Variants in DIP2C observed in about 807,000 individuals in gnomAD.
DIP2C encodes disco-interacting protein 2 homolog C.
DIP2C carries 33 observed loss-of-function variants against 192.4 expected under a neutral mutation model. The ratio of observed to expected loss-of-function variants is 0.17; its 90% CI spans 0.13 to 0.23. DIP2C has a LOEUF of 0.23. Ranked by LOEUF, DIP2C falls within the 10% of genes least tolerant of loss-of-function variation. The pLI is 1.00. For synonymous variants in DIP2C, 979 were observed against 864.1 expected, an observed-to-expected ratio of 1.13 and a Z score of -2.33; for missense variants, 1,537 against 2,110.1, an observed-to-expected ratio of 0.73 and a Z score of 5.32.
intron 1 of DIP2C, among the ~76,000 whole-genome samples, chr10:488,934 A>C (rs949611268): frequency 3.3e-5 from 5 of 152,158 alleles, no homozygotes; most frequent in African/African-American, 9.7e-5. Context: ...ACGCAGAGAG[A>C]CCTGCAGGTA....
chr10:421,934 G>A (rs952914176), intron 5 of DIP2C, among the ~76,000 whole-genome samples: 1 of 152,122 alleles, frequency 6.6e-6, no homozygotes, highest in Non-Finnish European at 1.5e-5. Context: ...AATCCAAAAC[G>A]CCTCTGAGCG....
chr10:603,298 C>CAAAAAAAAAAAAAAAAAAAAA (rs71376842), intron 1 of DIP2C, among the ~76,000 whole-genome samples: 2 of 45,882 alleles, frequency 4.4e-5, no homozygotes, highest in African/African-American at 2.5e-4. Flanking sequence ...GACTCCATCT[C>CAAAAAAAAAAAAAAAAAAAAA]AAAAAAAAAA....
chr10:570,124 A>T (rs1198410222), intron 1 of DIP2C, among the ~76,000 whole-genome samples: 1 of 152,206 alleles, frequency 6.6e-6, no homozygotes, highest in African/African-American at 2.4e-5. Context: ...ATAGCACTGC[A>T]CAAATCCATG....
chr10:594,134 C>T (rs1311474080), intron 1 of DIP2C, among the ~76,000 whole-genome samples: 3 of 152,222 alleles, frequency 2.0e-5, no homozygotes, highest in Admixed American at 6.5e-5. Context: ...TGCTGAGTCA[C>T]GTGAAGGTCC....
Position 286,279 on chromosome 10 carries a change from A to G in DIP2C, c.4113T>C (p.Leu1371=), listed in dbSNP as rs1235831084. 6.2e-7 allele frequency: 1 copy of G among 1,614,018 alleles called. No homozygotes were observed. Among genetic ancestry groups the G allele is most frequent in the South Asian group, 1.1e-5 (1 of 91,062 alleles). ...CGGAGGACACTCAACTCACCTCTCC[A>G]AGGTGTGAGTCCCCCAGCGGTCCTT... ...ETKGPLGDSH[L]GEIWVHSAHN... Residue 1371 remains leucine, a synonymous_variant, in exon 34 of 37, where the codon CTT becomes CTC. Coordinates refer to ENST00000280886, the MANE Select transcript of DIP2C (RefSeq NM_014974.3).
At chr10:580,947 A>C (rs933665302) in intron 1 of DIP2C, among the ~76,000 whole-genome samples, 1 of 152,180 alleles carries the variant, frequency 6.6e-6, no homozygotes, top group Non-Finnish European at 1.5e-5. Context: ...GTGTGTCCTC[A>C]TGTTTTGGCG....
intron 4 of DIP2C, chr10:430,440 A>C (rs376659262): frequency 7.9e-5 from 12 of 152,314 alleles, no homozygotes; most frequent in Non-Finnish European, 1.3e-4. Flanking sequence ...TCCTGGACTC[A>C]AGTGATCCTC....
At chr10:606,239 A>C (rs912596134) in intron 1 of DIP2C, among the ~76,000 whole-genome samples, 1 of 151,156 alleles carries the variant, frequency 6.6e-6, no homozygotes, top group Non-Finnish European at 1.5e-5. Context: ...GGCTCCACCC[A>C]CCCCCCCAGA....
intron 32 of DIP2C, among the ~76,000 whole-genome samples, chr10:305,827 G>A (rs1326666540): frequency 6.6e-6 from 1 of 151,922 alleles, no homozygotes; most frequent in African/African-American, 2.4e-5. Context: ...AAAAAATGTT[G>A]TAGAGATGGA....
rs988717234 is a variant in DIP2C at position 651,179 on chromosome 10, C to A, written c.85+38315G>T. The A allele has an allele frequency of 1.4e-6, 1 of 717,400 alleles. No individual in the cohort carries two copies. The highest frequency in any genetic ancestry group is 2.0e-5 in the Admixed American group (1 of 50,006). The allele number at this position is 717,400 out of a possible 1,614,324, so 44.4% of individuals were successfully genotyped here. A position where few individuals can be genotyped will look rare whatever the true frequency, so the allele number is the denominator to read the frequency against. On this transcript the variant is annotated intron_variant, in intron 1 of 36. Transcript: ENST00000280886. The surrounding 1 kb of genome is among the most constrained non-coding windows in gnomAD (Gnocchi z 4.1). ...ACCTCCACCTGCCCAGGTCTGGGAC[C>A]ACCGTCCTCCACGCATATCTACAGA...
At chr10:439,300 C>T (rs1435289454) in intron 4 of DIP2C, among the ~76,000 whole-genome samples, 2 of 151,168 alleles carry the variant, frequency 1.3e-5, no homozygotes, top group African/African-American at 2.5e-5. Flanking sequence ...CACTCCCTTG[C>T]CAACAACCTT....
At chr10:318,470 T>C (rs549517049) in intron 31 of DIP2C, among the ~76,000 whole-genome samples, 1 of 152,306 alleles carries the variant, frequency 6.6e-6, no homozygotes, top group South Asian at 2.1e-4. Flanking sequence ...AGGTCAGCAG[T>C]GCAGACTTCA....
chr10:549,857 C>T (rs1192482231), intron 1 of DIP2C, among the ~76,000 whole-genome samples: 1 of 152,168 alleles, frequency 6.6e-6, no homozygotes, highest in East Asian at 1.9e-4. Context: ...CTAGAGACAC[C>T]ACCATCCCTT....
chr10:293,843 C>T (rs978424071), intron 32 of DIP2C, among the ~76,000 whole-genome samples: 10 of 152,164 alleles, frequency 6.6e-5, no homozygotes, highest in African/African-American at 2.4e-4. Context: ...CAAGCCCTAA[C>T]AAAAGCTACA....
rs1956506563 is a variant in DIP2C at position 310,110 on chromosome 10, G to C, written c.3925-18C>G. The C allele has an allele frequency of 1.2e-5, 20 of 1,613,456 alleles. No homozygotes were observed. Among genetic ancestry groups the C allele is most frequent in the Non-Finnish European group, 1.7e-5 (20 of 1,179,488 alleles). ...GAGGTTCCCTGCAAGCAACAACAGA[G>C]TGGTTAACTCAAGTTTACATGGAGG... On this transcript the variant is annotated intron_variant, in intron 31 of 36. Coordinates refer to ENST00000280886, the MANE Select transcript of DIP2C (RefSeq NM_014974.3).
intron 1 of DIP2C, among the ~76,000 whole-genome samples, chr10:523,197 G>A (rs118033284): frequency 0.031 from 4,271 of 135,892 alleles, 86 homozygotes; most frequent in Middle Eastern, 0.078. Flanking sequence ...CCACAAGCTC[G>A]TTTCCACCTG....
intron 1 of DIP2C, among the ~76,000 whole-genome samples, chr10:557,309 A>G (rs1369861148): frequency 6.6e-6 from 1 of 152,144 alleles, no homozygotes; most frequent in Admixed American, 6.5e-5. Context: ...CAGAATCTTC[A>G]CCGTGACTCA....
chr10:662,194 A>G, intron 1 of DIP2C: 3 of 702,646 alleles, frequency 4.3e-6, no homozygotes, highest in Non-Finnish European at 5.3e-6. Context: ...ATCTATACAC[A>G]AAGAGTACAG....
At chr10:289,676 G>T (rs1360293367) in intron 32 of DIP2C, among the ~76,000 whole-genome samples, 1 of 152,172 alleles carries the variant, frequency 6.6e-6, no homozygotes, top group Non-Finnish European at 1.5e-5. Flanking sequence ...GTAGGGAAGG[G>T]GCAGGAGGTA....
Sources: allele counts gnomAD v4.1 joint callset (sites outside exome capture counted in the v4.1 genomes callset), GRCh38; gene constraint gnomAD v4.1.1; non-coding constraint Gnocchi (gnomAD v3.1); transcripts MANE v1.5; gene names NCBI Gene and HGNC (gene_info 2026-07-23, HGNC 2026-07-21).